The following ZSWIM6 variants were observed in gnomAD, a reference collection of about 807,000 sequenced individuals.
ZSWIM6 encodes zinc finger SWIM domain-containing protein 6.
A neutral mutation model predicts 113.2 loss-of-function variants in ZSWIM6; 9 were observed. The observed-to-expected ratio is 0.08, with a 90% CI of 0.05 to 0.14. The LOEUF (loss-of-function observed/expected upper bound fraction) is 0.14, where lower values mean the gene tolerates loss of function less well. Ranked by LOEUF, ZSWIM6 falls within the 10% of genes least tolerant of loss-of-function variation. The probability of loss-of-function intolerance (pLI) is 1.00; values close to 1 mark genes in which losing one functional copy is unlikely to be tolerated. For synonymous variants in ZSWIM6, 611 were observed against 606.5 expected (o/e 1.01, Z -0.11); for missense variants, 1,162 against 1,552.2 (o/e 0.75, Z 4.22).
chr5:61,477,680 A>C (rs557564238), intron 2 of ZSWIM6, among the ~76,000 whole-genome samples: 1 of 152,286 alleles, frequency 6.6e-6, no homozygotes, highest in East Asian at 1.9e-4. Flanking sequence ...ACTATCTCAG[A>C]TATTAGCAAA....
chr5:61,359,815 G>A (rs1744993855), intron 1 of ZSWIM6, among the ~76,000 whole-genome samples: 1 of 152,074 alleles, frequency 6.6e-6, no homozygotes, highest in African/African-American at 2.4e-5. Flanking sequence ...GGTGCTATCA[G>A]TTAGTGTCCA....
chr5:61,488,302 A>ATATTG, intron 2 of ZSWIM6, among the ~76,000 whole-genome samples: 1 of 151,818 alleles, frequency 6.6e-6, no homozygotes. Context: ...TTCATCAGGG[A>ATATTG]TATTGGTCTC....
intron 4 of ZSWIM6, among the ~76,000 whole-genome samples, chr5:61,519,820 G>C (rs1453293422): frequency 6.6e-6 from 1 of 152,116 alleles, no homozygotes. Context: ...CCACGGATGG[G>C]GGGTGGGAGA....
intron 9 of ZSWIM6, among the ~76,000 whole-genome samples, 167 bp from the exon 10 acceptor site, chr5:61,535,317 C>T (rs895753366): frequency 6.6e-6 from 1 of 152,102 alleles, no homozygotes; most frequent in Non-Finnish European, 1.5e-5. Context: ...GGATGCTATA[C>T]CCTGAAGAAT....
intron 2 of ZSWIM6, among the ~76,000 whole-genome samples, chr5:61,478,051 G>A (rs931604945): frequency 6.6e-6 from 1 of 152,110 alleles, no homozygotes; most frequent in African/African-American, 2.4e-5. Context: ...GCTTGCCTTA[G>A]CAACCAGTTT....
intron 1 of ZSWIM6, chr5:61,391,683 T>C: frequency 9.3e-7 from 1 of 1,069,842 alleles, no homozygotes; most frequent in Non-Finnish European, 1.5e-6. Context: ...CCTTGGATCC[T>C]GGCCTGTCGA....
rs1580062748 is a variant in ZSWIM6, at chr5:61,525,944, T to C, written c.1658T>C (p.Leu553Pro). 1 of 1,552,172 alleles carries C rather than the reference T, an allele frequency of 6.4e-7. No homozygotes were observed. Among genetic ancestry groups the C allele is most frequent in the African/African-American group, 1.4e-5 (1 of 73,174 alleles). Reference protein sequence around the residue: ...YCYHDDTENSLFDSRGWPLWH... With the variant: ...YCYHDDTENSPFDSRGWPLWH... Reference sequence around the variant, plus strand: ...TACCATGACGACACTGAAAACTCCCTCTTCGACTCCCGCGGGTGGCCCCTC... The same window carrying C: ...TACCATGACGACACTGAAAACTCCCCCTTCGACTCCCGCGGGTGGCCCCTC... Residue 553 changes from leucine (L) to proline (P), a missense_variant, in exon 6 of 14, where the codon CTC (leucine) becomes CCC (proline). Physicochemically the swap from Leu to Pro is moderately conservative, Grantham distance 98 (BLOSUM62 -3). This residue lies in a region of ZSWIM6 where 620 missense variants were observed against 804.6 expected (regional missense o/e 0.77). Coordinates refer to ENST00000252744, the MANE Select transcript of ZSWIM6 (RefSeq NM_020928.2).
At chr5:61,398,021 A>G (rs904343326) in intron 1 of ZSWIM6, among the ~76,000 whole-genome samples, 3 of 152,158 alleles carry the variant, frequency 2.0e-5, no homozygotes, top group African/African-American at 7.2e-5. Flanking sequence ...TCTCAATAGT[A>G]TTTCAGAGAA....
chr5:61,336,385 C>T (rs1579937201), intron 1 of ZSWIM6, among the ~76,000 whole-genome samples: 2 of 152,234 alleles, frequency 1.3e-5, no homozygotes, highest in African/African-American at 4.8e-5. Context: ...AAAAAATTTC[C>T]CCAAGTTATT....
intron 7 of ZSWIM6, 83 bp downstream of exon 7, chr5:61,526,479 T>C: frequency 6.9e-7 from 1 of 1,453,952 alleles, no homozygotes; most frequent in Non-Finnish European, 9.3e-7. Context: ...GAGAGATGGC[T>C]TTTAGAACTA....
chr5:61,538,743 G>A (rs1419918847), intron 10 of ZSWIM6, 71 bp from the exon 11 acceptor site: 11 of 1,483,524 alleles, frequency 7.4e-6, no homozygotes, highest in Non-Finnish European at 9.0e-6. Context: ...GGCTTCTGTT[G>A]GCCAGTCTTT....
At chr5:61,527,170 C>T (rs13179091) in intron 7 of ZSWIM6, among the ~76,000 whole-genome samples, 57,111 of 151,914 alleles carry the variant, frequency 0.38, 10,880 homozygotes, top group South Asian at 0.43. Context: ...ATTACATGCA[C>T]AAGACCCTGA....
chr5:61,502,659 C>T (rs1748504659), intron 4 of ZSWIM6, among the ~76,000 whole-genome samples: 1 of 152,222 alleles, frequency 6.6e-6, no homozygotes, highest in Admixed American at 6.5e-5. Context: ...GGACCAGTAT[C>T]AGTCCGTGGC....
chr5:61,500,364 G>A (rs1053173240), intron 4 of ZSWIM6, among the ~76,000 whole-genome samples: 2 of 152,004 alleles, frequency 1.3e-5, no homozygotes, highest in Non-Finnish European at 2.9e-5. Context: ...CTGACCTCGT[G>A]ATATGCCCAC....
chr5:61,447,810 C>T (rs1389038561), intron 1 of ZSWIM6, among the ~76,000 whole-genome samples: 1 of 152,192 alleles, frequency 6.6e-6, no homozygotes, highest in African/African-American at 2.4e-5. Context: ...AGGTTTTACT[C>T]AGGTGCTGCA....
chr5:61,497,106 GAAA>G (rs34912981), intron 4 of ZSWIM6, among the ~76,000 whole-genome samples: 6 of 119,788 alleles, frequency 5.0e-5, no homozygotes, highest in Non-Finnish European at 8.8e-5. Flanking sequence ...AGTACACCAG[GAAA>G]AAAAAAAAAA....
chr5:61,513,020 C>T (rs956972035), intron 4 of ZSWIM6, among the ~76,000 whole-genome samples: 3 of 151,830 alleles, frequency 2.0e-5, no homozygotes, highest in Non-Finnish European at 2.9e-5. Context: ...CTTGGTGGTA[C>T]GCATTTGATG....
At chr5:61,502,404 G>T (rs1333058239) in intron 4 of ZSWIM6, among the ~76,000 whole-genome samples, 1 of 152,146 alleles carries the variant, frequency 6.6e-6, no homozygotes, top group Non-Finnish European at 1.5e-5. Flanking sequence ...TTCAGACACT[G>T]CCCTGCAGAG....
In ZSWIM6 at chr5:61,400,071, C is replaced by T. The variant is rs1408915693; in HGVS notation, c.676+67123C>T. 2.6e-5 allele frequency among the ~76,000 whole-genome samples: 4 copies of T among 152,156 alleles called. No homozygotes were observed. The East Asian group carries it at 7.7e-4, about 29-fold the overall frequency. On this transcript the variant is annotated intron_variant, in intron 1 of 13. Coordinates refer to ENST00000252744, the MANE Select transcript of ZSWIM6 (RefSeq NM_020928.2). ...AAGCAGTCTTGACAGGTCGCCATTA[C>T]ATCTCCATTTGTCTGTGTTCAGCCT... is the stretch of plus-strand genomic sequence containing the variant.
Sources: gnomAD v4.1 joint callset for allele counts (sites outside exome capture counted in the v4.1 genomes callset) on GRCh38, gnomAD v4.1.1 for gene constraint, gnomAD v4.1.1 regional missense constraint, MANE v1.5 for transcripts, NCBI Gene and HGNC (gene_info 2026-07-23, HGNC 2026-07-21) for gene names.